Variants in SAMMSON observed in about 807,000 individuals in gnomAD.
SAMMSON encodes the protein long intergenic non-protein coding RNA 1212.
At chr3:70,165,894 G>T (rs915245391) in intron 4 of SAMMSON, among the ~76,000 whole-genome samples, 3 of 151,996 alleles carry the variant, frequency 2.0e-5, no homozygotes, top group Admixed American at 1.3e-4. Context: ...TATCCAGGAG[G>T]TACCATGAAG....
At chr3:70,324,287 A>G (rs1041188491) in intron 7 of SAMMSON, among the ~76,000 whole-genome samples, 1 of 151,996 alleles carries the variant, frequency 6.6e-6, no homozygotes, top group Non-Finnish European at 1.5e-5. Context: ...TTCACATTGC[A>G]GTTCATACAA....
chr3:70,260,798 C>A (rs934523922), intron 6 of SAMMSON, among the ~76,000 whole-genome samples: 1 of 151,900 alleles, frequency 6.6e-6, no homozygotes, highest in Admixed American at 6.6e-5. Context: ...TACTATTGTC[C>A]CTCTTGGTGG....
At chr3:70,202,519 T>A (rs551018127) in intron 4 of SAMMSON, among the ~76,000 whole-genome samples, 1 of 152,250 alleles carries the variant, frequency 6.6e-6, no homozygotes, top group Non-Finnish European at 1.5e-5. Context: ...GTATATTAAA[T>A]CTCCTCTATA....
chr3:70,251,771 G>A (rs537736766), intron 6 of SAMMSON, among the ~76,000 whole-genome samples: 4 of 152,280 alleles, frequency 2.6e-5, no homozygotes, highest in African/African-American at 4.8e-5. Context: ...CCTGTAGAAC[G>A]GACCTAGGCA....
chr3:70,315,973 G>T (rs899464949), intron 7 of SAMMSON, among the ~76,000 whole-genome samples: 10 of 152,066 alleles, frequency 6.6e-5, no homozygotes, highest in Non-Finnish European at 1.3e-4. Flanking sequence ...TGGTCTCAAG[G>T]CTCAAGGTTT....
intron 4 of SAMMSON, among the ~76,000 whole-genome samples, chr3:70,182,592 G>T (rs1014876935): frequency 6.6e-6 from 1 of 152,124 alleles, no homozygotes; most frequent in African/African-American, 2.4e-5. Context: ...GAAGCTTTTG[G>T]AAATTTTACC....
chr3:70,315,936 G>T (rs116010562), intron 7 of SAMMSON, among the ~76,000 whole-genome samples: 5,162 of 152,162 alleles, frequency 0.034, 126 homozygotes, highest in South Asian at 0.078. Context: ...TTAAAATAAT[G>T]AACTAAATAA....
intron 3 of SAMMSON, among the ~76,000 whole-genome samples, chr3:70,039,377 T>C (rs929667005): frequency 1.3e-5 from 2 of 152,032 alleles, no homozygotes; most frequent in African/African-American, 4.8e-5. Context: ...CTGCCCTCCA[T>C]GTTGGGAGTG....
At chr3:70,310,618 G>A (rs191755385) in intron 7 of SAMMSON, among the ~76,000 whole-genome samples, 4 of 152,004 alleles carry the variant, frequency 2.6e-5, no homozygotes, top group East Asian at 1.9e-4. Context: ...CACCCGCCTC[G>A]GCCTCCCAAA....
At position 70,126,489 on chromosome 3, in the gene SAMMSON, C is replaced by T. The variant is rs1576128793; in HGVS notation, n.507+54924C>T. On this transcript the variant is annotated intron_variant and non_coding_transcript_variant, in intron 4 of 9. Coordinates refer to ENST00000642114, the Ensembl canonical transcript of SAMMSON. ...AAGTACTTCAGCAAGTCCTCTTTCT[C>T]CTCAGCGGTCAGCTCAGCTGGCAGG... 4.7e-5 allele frequency: 30 copies of T among 639,582 alleles called. No homozygotes were observed. The South Asian group carries it at 4.8e-4, about 10-fold the overall frequency. The allele number at this position is 639,582 out of a possible 1,614,324, so 39.6% of individuals were successfully genotyped here.
At chr3:70,026,523 T>C (rs2067037551) in intron 3 of SAMMSON, among the ~76,000 whole-genome samples, 2 of 152,198 alleles carry the variant, frequency 1.3e-5, no homozygotes, top group African/African-American at 4.8e-5. Context: ...TGCAGAAATA[T>C]TGAAGACATA....
intron 9 of SAMMSON, among the ~76,000 whole-genome samples, chr3:70,368,230 T>C (rs554196775): frequency 2.8e-4 from 43 of 151,566 alleles, no homozygotes; most frequent in Non-Finnish European, 5.3e-4. Flanking sequence ...TCTTATTTAC[T>C]TCAACAGAAT....
intron 7 of SAMMSON, among the ~76,000 whole-genome samples, chr3:70,293,463 A>G (rs187984633): frequency 1.1e-3 from 172 of 152,258 alleles, no homozygotes; most frequent in South Asian, 2.3e-3. Flanking sequence ...TTTGATTTCT[A>G]TTAGTGACAA....
At chr3:70,229,508 G>C (rs1701539317) in intron 4 of SAMMSON, among the ~76,000 whole-genome samples, 1 of 152,140 alleles carries the variant, frequency 6.6e-6, no homozygotes, top group Admixed American at 6.5e-5. Flanking sequence ...TATTTTTCTG[G>C]TTTTCTTGCA....
At chr3:70,323,957 G>A (rs1702557261) in intron 7 of SAMMSON, among the ~76,000 whole-genome samples, 1 of 152,164 alleles carries the variant, frequency 6.6e-6, no homozygotes, top group Middle Eastern at 3.4e-3. Flanking sequence ...AAACTCATGG[G>A]TTCTACCTCA....
chr3:70,376,944 C>G (rs1051833912), intron 9 of SAMMSON, among the ~76,000 whole-genome samples: 8 of 152,004 alleles, frequency 5.3e-5, no homozygotes, highest in Admixed American at 2.0e-4. Context: ...AAATATCATT[C>G]TAATAACTGC....
chr3:70,378,885 G>T (rs899842048), intron 9 of SAMMSON, among the ~76,000 whole-genome samples: 1 of 152,006 alleles, frequency 6.6e-6, no homozygotes, highest in African/African-American at 2.4e-5. Flanking sequence ...ATACATAAAC[G>T]CAGAGTGTTC....
At chr3:70,168,550 T>C (rs1261814258) in intron 4 of SAMMSON, among the ~76,000 whole-genome samples, 1 of 151,966 alleles carries the variant, frequency 6.6e-6, no homozygotes, top group Non-Finnish European at 1.5e-5. Flanking sequence ...CTCTTTGAAA[T>C]ATGCGACTAT....
At chr3:70,196,147 T>C (rs1176471490) in intron 4 of SAMMSON, among the ~76,000 whole-genome samples, 3 of 152,192 alleles carry the variant, frequency 2.0e-5, no homozygotes, top group Admixed American at 2.0e-4. Context: ...AGAATTGAGA[T>C]TTTTTTGAAA....
Sources: allele counts gnomAD v4.1 joint callset (sites outside exome capture counted in the v4.1 genomes callset), GRCh38; gene constraint gnomAD v4.1.1; transcripts MANE v1.5; gene names NCBI Gene and HGNC (gene_info 2026-07-23, HGNC 2026-07-21).